The following CCDC34 variants were observed in gnomAD, a reference collection of about 807,000 sequenced individuals.
CCDC34 encodes coiled-coil domain-containing protein 34.
A neutral mutation model predicts 44.1 loss-of-function variants in CCDC34; 40 were observed. The ratio of observed to expected loss-of-function variants is 0.91; its 90% CI spans 0.70 to 1.18. CCDC34 has a LOEUF of 1.18. CCDC34 is among the 50% of genes most tolerant of loss of function. CCDC34 has a pLI of 0.00. For synonymous variants in CCDC34, 159 were observed against 158.2 expected, an observed-to-expected ratio of 1.01 and a Z score of -0.04; for missense variants, 466 against 452.3, an observed-to-expected ratio of 1.03 and a Z score of -0.28.
intron 3 of CCDC34, among the ~76,000 whole-genome samples, chr11:27,345,047 G>C (rs1862414252): frequency 6.6e-6 from 1 of 152,092 alleles, no homozygotes; most frequent in Non-Finnish European, 1.5e-5. Flanking sequence ...TAAATATGTG[G>C]TCAATTGATT....
intron 3 of CCDC34, among the ~76,000 whole-genome samples, chr11:27,343,078 A>G (rs972680173): frequency 5.9e-5 from 9 of 152,182 alleles, no homozygotes; most frequent in African/African-American, 2.2e-4. Context: ...AGATATGTCC[A>G]GGGCTGTGCA....
At chr11:27,348,354 G>A (rs1261870709) in intron 3 of CCDC34, among the ~76,000 whole-genome samples, 1 of 152,072 alleles carries the variant, frequency 6.6e-6, no homozygotes, top group African/African-American at 2.4e-5. Flanking sequence ...AACGAAAAAC[G>A]ATTTTATTTT....
intron 1 of CCDC34, among the ~76,000 whole-genome samples, chr11:27,357,843 T>G (rs2133349651): frequency 6.6e-6 from 1 of 152,310 alleles, no homozygotes; most frequent in South Asian, 2.1e-4. Context: ...AACACTTTTT[T>G]ATTTCTAAAA....
At chr11:27,360,456 C>T (rs540828919) in intron 1 of CCDC34, among the ~76,000 whole-genome samples, 19 of 152,290 alleles carry the variant, frequency 1.2e-4, no homozygotes, top group South Asian at 6.2e-4. Flanking sequence ...AAGCCTTACC[C>T]GATTCGTTTT....
chr11:27,352,760 T>G (rs1862520476), intron 2 of CCDC34, among the ~76,000 whole-genome samples: 1 of 152,162 alleles, frequency 6.6e-6, no homozygotes, highest in Admixed American at 6.5e-5. Context: ...GCTAACAAAT[T>G]TTAGTTAATG....
chr11:27,352,441 GA>G (rs1243595308), intron 2 of CCDC34, among the ~76,000 whole-genome samples: 1 of 151,264 alleles, frequency 6.6e-6, no homozygotes, highest in Non-Finnish European at 1.5e-5. Flanking sequence ...ACAAAAGGGG[GA>G]AAAATTATAC....
intron 3 of CCDC34, among the ~76,000 whole-genome samples, chr11:27,346,195 T>C (rs1267281001): frequency 1.3e-5 from 2 of 151,964 alleles, no homozygotes; most frequent in Admixed American, 6.6e-5. Flanking sequence ...GGGGATTTCA[T>C]GACCAGCCTG....
intron 3 of CCDC34, chr11:27,349,471 A>T (rs920176926): frequency 9.3e-6 from 8 of 856,460 alleles, no homozygotes; most frequent in African/African-American, 1.8e-5. Context: ...TAGGCATTAG[A>T]TTCAACAATA....
At chr11:27,359,767 T>C (rs775815809) in intron 1 of CCDC34, among the ~76,000 whole-genome samples, 1 of 152,208 alleles carries the variant, frequency 6.6e-6, no homozygotes, top group Non-Finnish European at 1.5e-5. Context: ...AAACTATCCA[T>C]GCTAAAGCAC....
At chr11:27,349,496 GAATT>G in intron 3 of CCDC34, 1 of 890,142 alleles carries the variant, frequency 1.1e-6, no homozygotes, top group African/African-American at 1.8e-5. Context: ...TAAAAAGTTA[GAATT>G]AAAATTTAAA....
intron 3 of CCDC34, among the ~76,000 whole-genome samples, chr11:27,347,566 A>G (rs1182049920): frequency 6.6e-6 from 1 of 152,208 alleles, no homozygotes; most frequent in Non-Finnish European, 1.5e-5. Context: ...AGTCAGCAAT[A>G]AAAAGGAATA....
Position 27,355,371 on chromosome 11 carries a change from TAAAA to T in CCDC34, c.498+2028_498+2031del, listed in dbSNP as rs547050229. Among the ~76,000 whole-genome samples, 49 of 152,150 alleles carry T rather than the reference TAAAA, an allele frequency of 3.2e-4. 1 individual carries two copies. The South Asian group carries it at 9.7e-3, about 30-fold the overall frequency. On this transcript the variant is annotated intron_variant, in intron 2 of 5. Transcript: ENST00000328697. Reference sequence around the variant, plus strand: ...TATGTAGGTATGTGTTTTTATAACATAAAAAAATAGAGTGCTCACTATGAACAAA... The same window carrying T: ...TATGTAGGTATGTGTTTTTATAACATAAATAGAGTGCTCACTATGAACAAA...
At position 27,340,756 on chromosome 11, in the gene CCDC34, C is replaced by T; in HGVS notation, c.847G>A (p.Ala283Thr). The T allele has an allele frequency of 6.2e-7, 1 of 1,613,848 alleles. No individual in the cohort carries two copies. Reference protein sequence around the residue: ...EKKFQEWLENAKHKPRPAAKS... With the variant: ...EKKFQEWLENTKHKPRPAAKS... The stretch of plus-strand genomic sequence containing the variant: ...GCAGCTGGACGAGGTTTATGTTTCG[C>T]ATTTTCCAACCATTCTTGAAACTTT... The change falls in exon 5 of 6, where the codon GCG becomes ACG. Residue 283 changes from alanine (A) to threonine (T), a missense_variant. Ala to Thr is a moderately conservative substitution (Grantham distance 58, BLOSUM62 0). Transcript: ENST00000328697.
intron 2 of CCDC34, among the ~76,000 whole-genome samples, chr11:27,351,155 C>G (rs1021369449): frequency 1.3e-5 from 2 of 152,206 alleles, no homozygotes; most frequent in African/African-American, 4.8e-5. Context: ...GCTGTTCAAA[C>G]TAGACTTCAC....
intron 2 of CCDC34, among the ~76,000 whole-genome samples, chr11:27,353,542 T>G (rs923472878): frequency 2.6e-5 from 4 of 152,142 alleles, no homozygotes; most frequent in African/African-American, 9.7e-5. Flanking sequence ...GCTTGATAAT[T>G]GATTCAATAT....
intron 2 of CCDC34, among the ~76,000 whole-genome samples, chr11:27,353,797 TACTAAGTCTG>T (rs1862536359): frequency 6.6e-6 from 1 of 152,276 alleles, no homozygotes; most frequent in Admixed American, 6.5e-5. Flanking sequence ...AAAAAATAAA[TACTAAGTCTG>T]ACTCACTTAT....
At chr11:27,345,563 G>A (rs1165933723) in intron 3 of CCDC34, among the ~76,000 whole-genome samples, 4 of 152,128 alleles carry the variant, frequency 2.6e-5, no homozygotes, top group Admixed American at 2.6e-4. Context: ...GCGACAGTTT[G>A]CTGAGAATGA....
Position 27,363,177 on chromosome 11 carries a change from G to T in CCDC34, c.18C>A (p.Arg6=). 6.7e-7 allele frequency: 1 copy of T among 1,487,404 alleles called. No homozygotes were observed. The highest frequency in any genetic ancestry group is 2.3e-5 in the East Asian group (1 of 42,608). The allele number at this position is 1,487,404 out of a possible 1,614,324, so 92.1% of individuals were successfully genotyped here. A position where few individuals can be genotyped will look rare whatever the true frequency, so the allele number is the denominator to read the frequency against. The part of the protein sequence containing the change: MWAAG[R]WGPTFPSSYA... ...AGGAAGAGGGAAAAGTAGGCCCCCA[G>T]CGCCCCGCCGCCCACATCTGGCCCG... is the stretch of plus-strand genomic sequence containing the variant. The change falls in exon 1 of 6, where the codon CGC becomes CGA. Residue 6 remains arginine (R), a synonymous_variant. Transcript: ENST00000328697.
rs1236452781 is a variant in CCDC34 at position 27,341,513 on chromosome 11, ATT to A, written c.642_643del (p.Glu214AspfsTer32). The A allele has an allele frequency of 7.4e-7, 1 of 1,348,528 alleles. No individual in the cohort carries two copies. Among genetic ancestry groups the A allele is most frequent in the Non-Finnish European group, 9.9e-7 (1 of 1,011,498 alleles). The allele number at this position is 1,348,528 out of a possible 1,614,324, so 83.5% of individuals were successfully genotyped here. A position where few individuals can be genotyped will look rare whatever the true frequency, so the allele number is the denominator to read the frequency against. The stretch of plus-strand genomic sequence containing the variant: ...CAGTTCCTTTGCTGCTTTTTCCTCC[ATT>A]TCTTTATTAATTTTTTGTTCTCTTT... On this transcript the variant is annotated frameshift_variant, in exon 4 of 6. Transcript: ENST00000328697. LOFTEE classifies it high-confidence loss of function.
Sources: allele counts gnomAD v4.1 joint callset (sites outside exome capture counted in the v4.1 genomes callset), GRCh38; gene constraint gnomAD v4.1.1; transcripts MANE v1.5; gene names NCBI Gene and HGNC (gene_info 2026-07-23, HGNC 2026-07-21).